Variants in ORC5 observed in about 807,000 individuals in gnomAD.
The protein encoded by ORC5 is origin recognition complex subunit 5.
ORC5 carries 39 observed loss-of-function variants against 58.8 expected under a neutral mutation model. The observed-to-expected ratio is 0.66, with a 90% confidence interval of 0.51 to 0.87. ORC5 has a LOEUF of 0.87. Ranked by LOEUF, ORC5 falls within the 40% of genes least tolerant of loss-of-function variation. ORC5 has a pLI of 0.00. For missense variants in ORC5, 493 were observed against 506.3 expected, an observed-to-expected ratio of 0.97 and a Z score of 0.25; for synonymous variants, 218 against 177.6, an observed-to-expected ratio of 1.23 and a Z score of -1.81.
At chr7:104,144,069 A>C (rs905810619) in intron 12 of ORC5, among the ~76,000 whole-genome samples, 1 of 152,124 alleles carries the variant, frequency 6.6e-6, no homozygotes, top group African/African-American at 2.4e-5. Flanking sequence ...CAGTGAGCTG[A>C]GATCGCACCA....
chr7:104,153,673 G>A (rs867162484), intron 12 of ORC5, among the ~76,000 whole-genome samples: 11 of 152,042 alleles, frequency 7.2e-5, no homozygotes, highest in African/African-American at 1.2e-4. Context: ...AGCTCTTCAC[G>A]TTTCTAATAA....
Position 104,197,706 on chromosome 7 carries a change from A to G in ORC5, c.441+19T>C, listed in dbSNP as rs932531565. On this transcript the variant is annotated intron_variant, in intron 4 of 13. Coordinates refer to ENST00000297431, the MANE Select transcript of ORC5 (RefSeq NM_002553.4). ...ATTGATTAAGTTGTGGGGAGAAAGC[A>G]CTTTCTCACATTACTTACCAATTCT... 3 of 1,545,222 alleles carry G rather than the reference A, an allele frequency of 1.9e-6. No individual in the cohort carries two copies. The highest frequency in any genetic ancestry group is 2.7e-6 in the Non-Finnish European group (3 of 1,129,860).
At chr7:104,137,984 A>T (rs1202677822) in intron 12 of ORC5, among the ~76,000 whole-genome samples, 1 of 152,212 alleles carries the variant, frequency 6.6e-6, no homozygotes, top group Non-Finnish European at 1.5e-5. Flanking sequence ...AGCACACTGT[A>T]ACACGCCCAC....
chr7:104,139,726 T>C lies in ORC5; in HGVS notation c.1150-2833A>G, dbSNP rs548985479. The stretch of plus-strand genomic sequence containing the variant: ...TACACCTTGAAATATCTTTTATAAA[T>C]ATTGTGCGTTGAAAAGAATATGTAT... On this transcript the variant is annotated intron_variant, in intron 12 of 13. Transcript: ENST00000297431. Among the ~76,000 whole-genome samples, 3 of 152,194 alleles carry C rather than the reference T, an allele frequency of 2.0e-5. No individual in the cohort carries two copies. In the South Asian group the frequency reaches 6.2e-4, roughly 32 times the overall value.
chr7:104,187,850 A>G, intron 6 of ORC5: 6 of 988,442 alleles, frequency 6.1e-6, no homozygotes, highest in Non-Finnish European at 7.2e-6. Flanking sequence ...CAATCACCGC[A>G]TACATAAAAC....
intron 12 of ORC5, among the ~76,000 whole-genome samples, chr7:104,152,474 C>A (rs775071908): frequency 9.2e-5 from 14 of 152,122 alleles, no homozygotes; most frequent in Non-Finnish European, 1.9e-4. Context: ...CACACATTTC[C>A]ACAACGAAGA....
At chr7:104,183,091 C>T (rs146255226) in intron 8 of ORC5, among the ~76,000 whole-genome samples, 58 of 152,258 alleles carry the variant, frequency 3.8e-4, no homozygotes, top group African/African-American at 6.7e-4. Context: ...GCCAAGATTG[C>T]GCCATTGCAC....
Position 104,168,433 on chromosome 7 carries a change from G to A in ORC5, c.877+40C>T, listed in dbSNP as rs943006831. 4 of 1,599,042 alleles carry A rather than the reference G, an allele frequency of 2.5e-6. No individual in the cohort carries two copies. In the Admixed American group the frequency reaches 6.9e-5, roughly 28 times the overall value. ...TTTAGTATCTTGATAATTAGCTGAA[G>A]AAGTATCTCCGGTAACTGTCTCAAT... On this transcript the variant is annotated intron_variant, in intron 9 of 13. Coordinates refer to ENST00000297431, the MANE Select transcript of ORC5 (RefSeq NM_002553.4).
At chr7:104,167,972 A>AT (rs145415479) in intron 9 of ORC5, 38,358 of 152,340 alleles carry the variant, frequency 0.25, 5,358 homozygotes, top group African/African-American at 0.36. Context: ...TTAAAAAAAA[A>AT]TTTTTTTTCA....
chr7:104,142,758 C>T (rs930342725), intron 12 of ORC5, among the ~76,000 whole-genome samples: 1 of 152,126 alleles, frequency 6.6e-6, no homozygotes, highest in Non-Finnish European at 1.5e-5. Context: ...GAAAGGTTCA[C>T]TTAATAATGA....
intron 8 of ORC5, among the ~76,000 whole-genome samples, chr7:104,183,511 G>C (rs1045817231): frequency 3.9e-5 from 6 of 152,152 alleles, no homozygotes; most frequent in African/African-American, 1.4e-4. Context: ...ACAGAGCCAA[G>C]AAAGGCCATG....
At chr7:104,137,980 C>G (rs1798616684) in intron 12 of ORC5, among the ~76,000 whole-genome samples, 1 of 152,316 alleles carries the variant, frequency 6.6e-6, no homozygotes, top group Middle Eastern at 3.4e-3. Flanking sequence ...AAAGAGCACA[C>G]TGTAACACGC....
intron 12 of ORC5, among the ~76,000 whole-genome samples, chr7:104,137,566 A>C (rs940049856): frequency 5.3e-5 from 8 of 152,236 alleles, no homozygotes; most frequent in Middle Eastern, 3.4e-3. Context: ...TGCCTATAAA[A>C]ACCCCGAGAC....
chr7:104,179,690 T>C (rs28616246), intron 8 of ORC5, among the ~76,000 whole-genome samples: 6,746 of 152,080 alleles, frequency 0.044, 496 homozygotes, highest in African/African-American at 0.15. Context: ...TTTAATTTTC[T>C]AGTTTCACGT....
intron 6 of ORC5, among the ~76,000 whole-genome samples, chr7:104,186,868 G>A (rs1026248718): frequency 4.6e-5 from 7 of 152,018 alleles, no homozygotes; most frequent in African/African-American, 1.4e-4. Context: ...ACACATTTAT[G>A]AATATTATTT....
chr7:104,171,223 T>C lies in ORC5; in HGVS notation c.825-2698A>G, dbSNP rs1302749409. Among the ~76,000 whole-genome samples the C allele has an allele frequency of 3.3e-5, 5 of 152,208 alleles. No individual in the cohort carries two copies. The East Asian group carries it at 7.7e-4, about 23-fold the overall frequency. On this transcript the variant is annotated intron_variant, in intron 8 of 13. Coordinates refer to ENST00000297431, the MANE Select transcript of ORC5 (RefSeq NM_002553.4). Reference sequence around the variant, plus strand: ...GTCTTCCTCTGCTTTGTTTTGGGTGTTAAGGGGGAAATGTTCATCAACTAA... The same window carrying C: ...GTCTTCCTCTGCTTTGTTTTGGGTGCTAAGGGGGAAATGTTCATCAACTAA...
intron 3 of ORC5, among the ~76,000 whole-genome samples, chr7:104,199,203 T>C (rs942186152): frequency 2.0e-5 from 3 of 152,096 alleles, no homozygotes; most frequent in African/African-American, 7.2e-5. Context: ...AGTGGAGCTA[T>C]GAGAAGAGGG....
At chr7:104,168,230 T>G (rs1799140527) in intron 9 of ORC5, 1 of 1,051,890 alleles carries the variant, frequency 9.5e-7, no homozygotes, top group African/African-American at 1.6e-5. Context: ...AACTGCTTGA[T>G]TTTCATGATA....
intron 1 of ORC5, among the ~76,000 whole-genome samples, chr7:104,206,468 G>C (rs572537506): frequency 1.3e-5 from 2 of 152,168 alleles, no homozygotes; most frequent in African/African-American, 2.4e-5. Flanking sequence ...GAACATTTCT[G>C]GCTGGAGTGA....
Sources: allele counts gnomAD v4.1 joint callset (sites outside exome capture counted in the v4.1 genomes callset), GRCh38; gene constraint gnomAD v4.1.1; transcripts MANE v1.5; gene names NCBI Gene and HGNC (gene_info 2026-07-23, HGNC 2026-07-21).